SLC25A26: variants seen among roughly 807,000 people sequenced by gnomAD.
SLC25A26 encodes mitochondrial S-adenosylmethionine carrier protein.
Under a neutral mutation model 37.8 loss-of-function variants are expected in SLC25A26, and 36 were observed. The observed-to-expected ratio is 0.95, with a 90% CI of 0.73 to 1.26. The LOEUF (loss-of-function observed/expected upper bound fraction) is 1.26. SLC25A26 is among the 50% of genes most tolerant of loss of function. The pLI, the probability that SLC25A26 is intolerant of heterozygous loss-of-function variation, is 0.00. For synonymous variants in SLC25A26, 129 were observed against 122.5 expected, an observed-to-expected ratio of 1.05 and a Z score of -0.35; for missense variants, 390 against 331.1, an observed-to-expected ratio of 1.18 and a Z score of -1.38.
intron 1 of SLC25A26, among the ~76,000 whole-genome samples, chr3:66,208,427 T>C (rs1440432225): frequency 6.6e-6 from 1 of 151,820 alleles, no homozygotes; most frequent in Non-Finnish European, 1.5e-5. Flanking sequence ...TCAGGGAAAT[T>C]AGGAAAGAGA....
chr3:66,212,233 T>C (rs1331598957), intron 1 of SLC25A26, among the ~76,000 whole-genome samples: 1 of 152,056 alleles, frequency 6.6e-6, no homozygotes, highest in African/African-American at 2.4e-5. Flanking sequence ...CACCTCAGCC[T>C]CCTGAGGAGC....
chr3:66,268,411 C>G (rs1256482609), intron 5 of SLC25A26, among the ~76,000 whole-genome samples: 1 of 152,204 alleles, frequency 6.6e-6, no homozygotes, highest in Non-Finnish European at 1.5e-5. Flanking sequence ...TATGGACTAG[C>G]AGTCTTAAAG....
At chr3:66,253,469 A>C (rs1188558009) in intron 3 of SLC25A26, among the ~76,000 whole-genome samples, 1 of 151,848 alleles carries the variant, frequency 6.6e-6, no homozygotes, top group African/African-American at 2.4e-5. Flanking sequence ...CAGTCTAATC[A>C]GTAGGGTCCT....
chr3:66,324,924 G>A (rs2075798109), intron 5 of SLC25A26, among the ~76,000 whole-genome samples: 1 of 152,012 alleles, frequency 6.6e-6, no homozygotes, highest in Non-Finnish European at 1.5e-5. Context: ...AGACAGAGTA[G>A]CAAGAGAAAA....
At chr3:66,294,645 A>G (rs566671163) in intron 5 of SLC25A26, among the ~76,000 whole-genome samples, 2 of 152,354 alleles carry the variant, frequency 1.3e-5, no homozygotes, top group South Asian at 4.1e-4. Context: ...TCTCATATAA[A>G]TTATAGAAAT....
chr3:66,316,890 A>C (rs185692264), intron 5 of SLC25A26, among the ~76,000 whole-genome samples: 4 of 152,008 alleles, frequency 2.6e-5, no homozygotes, highest in African/African-American at 9.7e-5. Context: ...CACTTGGTCT[A>C]TTCAGCTATT....
intron 1 of SLC25A26, among the ~76,000 whole-genome samples, chr3:66,182,716 C>CGGGG (rs539207365): frequency 4.5e-4 from 39 of 87,580 alleles, no homozygotes; most frequent in African/African-American, 1.2e-3. Context: ...CAGTGGGCGG[C>CGGGG]GGGGGGGGGG....
chr3:66,354,606 C>A (rs767274090), intron 6 of SLC25A26, among the ~76,000 whole-genome samples: 6 of 152,070 alleles, frequency 3.9e-5, no homozygotes, highest in Admixed American at 1.3e-4. Context: ...TGTCTACCAC[C>A]ACCCTACCCA....
upstream of SLC25A26, among the ~76,000 whole-genome samples, chr3:66,218,274 T>G (rs1450587665): frequency 6.6e-6 from 1 of 152,242 alleles, no homozygotes; most frequent in African/African-American, 2.4e-5. Flanking sequence ...TTTTTGACTA[T>G]TATGGATAAA....
At chr3:66,325,622 C>T (rs913693539) in intron 5 of SLC25A26, among the ~76,000 whole-genome samples, 2 of 152,092 alleles carry the variant, frequency 1.3e-5, no homozygotes, top group African/African-American at 2.4e-5. Context: ...TAGTAAGTAA[C>T]TAGGTGATAA....
intron 1 of SLC25A26, among the ~76,000 whole-genome samples, chr3:66,224,962 T>C (rs1418247460): frequency 6.6e-6 from 1 of 152,196 alleles, no homozygotes; most frequent in East Asian, 1.9e-4. Context: ...GTCACGCTGC[T>C]GTAAGAGGTG....
At chr3:66,261,543 T>C in intron 3 of SLC25A26, 1 of 154,308 alleles carries the variant, frequency 6.5e-6, no homozygotes, top group South Asian at 2.0e-4. Flanking sequence ...TGTATGAGAG[T>C]GCTGGGAGTC....
intron 5 of SLC25A26, among the ~76,000 whole-genome samples, chr3:66,324,867 ACT>A (rs2075796318): frequency 6.8e-6 from 1 of 147,356 alleles, no homozygotes; most frequent in African/African-American, 2.5e-5. Flanking sequence ...TTTTTTCTTT[ACT>A]CTCTTACATT....
At chr3:66,289,027 C>T (rs1160238770) in intron 5 of SLC25A26, among the ~76,000 whole-genome samples, 1 of 152,134 alleles carries the variant, frequency 6.6e-6, no homozygotes, top group Non-Finnish European at 1.5e-5. Flanking sequence ...TTCTATCTGG[C>T]ATGAGATGGT....
chr3:66,307,485 T>C (rs991744675), intron 5 of SLC25A26, among the ~76,000 whole-genome samples: 1 of 152,226 alleles, frequency 6.6e-6, no homozygotes, highest in Non-Finnish European at 1.5e-5. Flanking sequence ...TTTCTTTTGC[T>C]GTGCAGAAGC....
At chr3:66,267,910 G>C (rs946168177) in intron 5 of SLC25A26, among the ~76,000 whole-genome samples, 1 of 152,168 alleles carries the variant, frequency 6.6e-6, no homozygotes, top group African/African-American at 2.4e-5. Flanking sequence ...AACCTTCAGC[G>C]ATCAAGCGTC....
At chr3:66,228,165 G>A (rs1553661514) in intron 1 of SLC25A26, among the ~76,000 whole-genome samples, 1 of 152,168 alleles carries the variant, frequency 6.6e-6, no homozygotes, top group African/African-American at 2.4e-5. Context: ...TCAGCCCGTG[G>A]AGCATGCAAA....
At chr3:66,303,487 A>G (rs891593647) in intron 5 of SLC25A26, among the ~76,000 whole-genome samples, 22 of 152,210 alleles carry the variant, frequency 1.4e-4, no homozygotes, top group Non-Finnish European at 5.9e-5. Flanking sequence ...CCTTCCAGGT[A>G]AGATTAGGCT....
At chr3:66,223,911 A>T (rs569566600) in intron 1 of SLC25A26, among the ~76,000 whole-genome samples, 2 of 152,190 alleles carry the variant, frequency 1.3e-5, no homozygotes, top group Non-Finnish European at 2.9e-5. Flanking sequence ...ACCTAAAGAT[A>T]TTTATATAAA....
Sources: allele counts gnomAD v4.1 joint callset (sites outside exome capture counted in the v4.1 genomes callset), GRCh38; gene constraint gnomAD v4.1.1; transcripts MANE v1.5; gene names NCBI Gene and HGNC (gene_info 2026-07-23, HGNC 2026-07-21).